Variants in DLG2 observed in about 807,000 individuals in gnomAD.
DLG2 encodes discs large MAGUK scaffold protein 2, also known as disks large homolog 2.
DLG2 carries 45 observed loss-of-function variants against 132.5 expected under a neutral mutation model. The observed-to-expected ratio is 0.34, with a 90% confidence interval of 0.27 to 0.44. The LOEUF is 0.44. Ranked by LOEUF, DLG2 falls within the 20% of genes least tolerant of loss-of-function variation. DLG2 has a pLI of 1.00. For missense variants in DLG2, 1,045 were observed against 1,196.9 expected, an observed-to-expected ratio of 0.87 and a Z score of 1.87; for synonymous variants, 424 against 419.6, an observed-to-expected ratio of 1.01 and a Z score of -0.13.
At chr11:83,548,806 C>G (rs77442468) in intron 19 of DLG2, among the ~76,000 whole-genome samples, 9 of 152,068 alleles carry the variant, frequency 5.9e-5, no homozygotes, top group Non-Finnish European at 1.2e-4. Flanking sequence ...GAAGAAGCAG[C>G]CTTTCCTTCT....
intron 3 of DLG2, among the ~76,000 whole-genome samples, chr11:85,508,805 G>A (rs1214167866): frequency 2.6e-5 from 4 of 151,894 alleles, no homozygotes; most frequent in African/African-American, 4.8e-5. Context: ...CTATTATTCC[G>A]AGACAGTAAA....
At chr11:84,181,692 T>A (rs1394606309) in intron 8 of DLG2, among the ~76,000 whole-genome samples, 2 of 152,024 alleles carry the variant, frequency 1.3e-5, no homozygotes, top group African/African-American at 2.4e-5. Flanking sequence ...GAAAAATATA[T>A]CATAATAACA....
intron 3 of DLG2, among the ~76,000 whole-genome samples, chr11:85,331,311 TAC>T (rs761231589): frequency 1.2e-4 from 19 of 152,296 alleles, no homozygotes; most frequent in East Asian, 3.9e-4. Flanking sequence ...TCAATATATA[TAC>T]CTCTTAGAGG....
At position 85,015,532 on chromosome 11, in the gene DLG2, G is replaced by A. The variant is rs181472524; in HGVS notation, c.357+96129C>T. Among the ~76,000 whole-genome samples the A allele has an allele frequency of 1.5e-3, 228 of 151,944 alleles. 1 individual carries two copies. Among genetic ancestry groups the A allele is most frequent in the Middle Eastern group, 0.01 (3 of 292 alleles). Reference sequence around the variant, plus strand: ...TAAACTACCAGTCCTTCATAACTGAGTGCATTAATTACTTCACCTTAAAAT... The same window carrying A: ...TAAACTACCAGTCCTTCATAACTGAATGCATTAATTACTTCACCTTAAAAT... On this transcript the variant is annotated intron_variant, in intron 6 of 27. Transcript: ENST00000376104.
chr11:84,446,782 G>C (rs1213562545), intron 7 of DLG2, among the ~76,000 whole-genome samples: 1 of 151,748 alleles, frequency 6.6e-6, no homozygotes, highest in African/African-American at 2.4e-5. Context: ...CCTTCCTTTG[G>C]TGATCCTAAC....
intron 21 of DLG2, among the ~76,000 whole-genome samples, chr11:83,516,214 T>C (rs889380038): frequency 6.6e-6 from 1 of 152,216 alleles, no homozygotes. Flanking sequence ...TGCTCCTGTA[T>C]TGGGTGCATA....
intron 21 of DLG2, among the ~76,000 whole-genome samples, chr11:83,503,073 A>G (rs2094514815): frequency 6.6e-6 from 1 of 151,986 alleles, no homozygotes. Flanking sequence ...ATTTAATGAC[A>G]GAGATTTCTA....
At chr11:83,671,066 A>T (rs932813996) in intron 18 of DLG2, among the ~76,000 whole-genome samples, 6 of 152,334 alleles carry the variant, frequency 3.9e-5, no homozygotes, top group African/African-American at 4.8e-5. Flanking sequence ...TTTAATTTTT[A>T]AAAATTTTAA....
At chr11:84,468,618 T>C (rs976999435) in intron 7 of DLG2, among the ~76,000 whole-genome samples, 1 of 151,588 alleles carries the variant, frequency 6.6e-6, no homozygotes, top group African/African-American at 2.4e-5. Flanking sequence ...TTCAATTTTG[T>C]CCATAACTGG....
Position 83,577,957 on chromosome 11 carries a change from T to G in DLG2, c.1941-36099A>C, listed in dbSNP as rs1028959451. On this transcript the variant is annotated intron_variant, in intron 19 of 27. Transcript: ENST00000376104. ...TATAATATATATTTAATATTTTGTA[T>G]TTATATTATATATAAATATATAAAT... Among the ~76,000 whole-genome samples the G allele has an allele frequency of 1.0e-4, 14 of 136,626 alleles. 1 individual carries two copies. The highest frequency in any genetic ancestry group is 9.6e-4 in the Admixed American group (12 of 12,548). The allele number at this position is 136,626 out of a possible 152,430, so 89.6% of individuals were successfully genotyped here.
chr11:84,019,913 T>C (rs1172082788), intron 11 of DLG2, among the ~76,000 whole-genome samples: 6 of 152,162 alleles, frequency 3.9e-5, no homozygotes, highest in Admixed American at 3.9e-4. Flanking sequence ...AACTTTGTTG[T>C]TTAAGCCACT....
rs1555372680 is a variant in DLG2, at chr11:83,743,449, T to TTTTTTTTTTTTTTA, written c.1825+43240_1825+43241insTAAAAAAAAAAAAA. Among the ~76,000 whole-genome samples the TTTTTTTTTTTTTTA allele has an allele frequency of 2.3e-4, 28 of 124,096 alleles. 3 individuals carry two copies. The highest frequency in any genetic ancestry group is 9.5e-4 in the African/African-American group (23 of 24,120). 81.4% of individuals were successfully genotyped at this position (124,096 alleles called of 152,430 possible). On this transcript the variant is annotated intron_variant, in intron 18 of 27. Transcript: ENST00000376104. ...AGGCCATTTTTTTTTTTTTTTTTTT[T>TTTTTTTTTTTTTTA]ATGACAGGGTCTCACTTTGTCACCC...
At chr11:84,326,505 T>A (rs2098433817) in intron 7 of DLG2, among the ~76,000 whole-genome samples, 1 of 152,312 alleles carries the variant, frequency 6.6e-6, no homozygotes, top group East Asian at 1.9e-4. Context: ...GAGTGAGTTG[T>A]TTAATTTCCT....
At chr11:85,538,049 G>C (rs1480169109) in intron 3 of DLG2, among the ~76,000 whole-genome samples, 4 of 152,044 alleles carry the variant, frequency 2.6e-5, no homozygotes, top group African/African-American at 7.3e-5. Flanking sequence ...CCAGGAGGTG[G>C]AGCTTCCAGT....
chr11:83,522,651 C>G (rs2095510151), intron 21 of DLG2, among the ~76,000 whole-genome samples: 1 of 151,842 alleles, frequency 6.6e-6, no homozygotes, highest in Admixed American at 6.6e-5. Context: ...TATTTTAGGC[C>G]CTAAATAATT....
chr11:84,312,147 G>A (rs972321460), intron 7 of DLG2, among the ~76,000 whole-genome samples: 2 of 152,122 alleles, frequency 1.3e-5, no homozygotes, highest in Admixed American at 1.3e-4. Context: ...ACTCTCTGAG[G>A]TAGGTGTTAT....
At chr11:84,636,783 CAT>C (rs2099641185) in intron 6 of DLG2, among the ~76,000 whole-genome samples, 1 of 51,294 alleles carries the variant, frequency 1.9e-5, no homozygotes, top group African/African-American at 5.5e-5. Flanking sequence ...AAGGGATGCA[CAT>C]TTTTTTTTTT....
intron 18 of DLG2, among the ~76,000 whole-genome samples, chr11:83,715,810 T>C (rs1330629477): frequency 6.6e-6 from 1 of 152,194 alleles, no homozygotes; most frequent in Non-Finnish European, 1.5e-5. Flanking sequence ...TCCCTCTCCC[T>C]GTCCTACTTT....
At chr11:83,691,962 A>G (rs1417488836) in intron 18 of DLG2, 1 of 152,210 alleles carries the variant, frequency 6.6e-6, no homozygotes, top group African/African-American at 2.4e-5. Context: ...GAGCTTTCAC[A>G]TATGTTAATC....
Sources: allele counts gnomAD v4.1 joint callset (sites outside exome capture counted in the v4.1 genomes callset), GRCh38; gene constraint gnomAD v4.1.1; transcripts MANE v1.5; gene names NCBI Gene and HGNC (gene_info 2026-07-23, HGNC 2026-07-21).